Variants in COL5A2 observed in about 807,000 individuals in gnomAD.
The protein encoded by COL5A2 is collagen type V alpha 2 chain, also known as collagen alpha-2(V) chain.
In COL5A2, 23 loss-of-function variants were observed where a neutral mutation model predicts 208.2. The ratio of observed to expected loss-of-function variants is 0.11; its 90% CI spans 0.08 to 0.16. The LOEUF (loss-of-function observed/expected upper bound fraction) is 0.16. COL5A2 is among the 10% of genes least tolerant of loss of function. The pLI, the probability that COL5A2 is intolerant of heterozygous loss-of-function variation, is 1.00. For missense variants in COL5A2, 1,590 were observed against 1,956.4 expected, an observed-to-expected ratio of 0.81 and a Z score of 3.53; for synonymous variants, 625 against 628.5, an observed-to-expected ratio of 0.99 and a Z score of 0.08.
At chr2:189,068,698 T>C in intron 19 of COL5A2, 88 bp downstream of exon 19, 1 of 898,734 alleles carries the variant, frequency 1.1e-6, no homozygotes, top group South Asian at 1.4e-5. Context: ...ATATTATGTA[T>C]CAATTAAAAA....
intron 17 of COL5A2, among the ~76,000 whole-genome samples, chr2:189,072,765 C>CA (rs58636533): frequency 0.2 from 13,116 of 66,944 alleles, 1,050 homozygotes; most frequent in East Asian, 0.3. Flanking sequence ...ACTCCATCTC[C>CA]AAAAAAAAAA....
At chr2:189,396,549 C>G in the COL5A2 span, among the ~76,000 whole-genome samples, 17 of 151,736 alleles carry the variant, frequency 1.1e-4, no homozygotes, top group African/African-American at 3.9e-4. Flanking sequence ...TGGTGGGCCC[C>G]TATAGTCCGA....
intron 23 of COL5A2, among the ~76,000 whole-genome samples, 165 bp downstream of exon 23, chr2:189,066,225 T>TA (rs1478835028): frequency 6.6e-6 from 1 of 152,264 alleles, no homozygotes; most frequent in Non-Finnish European, 1.5e-5. Context: ...AATGTATGAA[T>TA]AATGATTAGT....
In COL5A2 at chr2:189,063,095, C is replaced by T. The variant is rs372220375; in HGVS notation, c.1870-32G>A. ...AATAAATGAAACTTTTGTATAATTC[C>T]TTCAATTTGTCAAAAACATACCTCC... On this transcript the variant is annotated intron_variant, in intron 27 of 53. Coordinates refer to ENST00000374866, the MANE Select transcript of COL5A2 (RefSeq NM_000393.5). The T allele has an allele frequency of 8.7e-6, 14 of 1,613,346 alleles. No individual in the cohort carries two copies. In the African/African-American group the frequency reaches 1.7e-4, roughly 20 times the overall value.
At chr2:189,110,763 A>T in intron 1 of COL5A2, among the ~76,000 whole-genome samples, 1 of 152,146 alleles carries the variant, frequency 6.6e-6, no homozygotes, top group East Asian at 1.9e-4. Flanking sequence ...AATATCAATA[A>T]AGAGGGATAA....
the COL5A2 span, among the ~76,000 whole-genome samples, chr2:189,406,687 T>C: frequency 6.6e-6 from 1 of 152,244 alleles, no homozygotes; most frequent in East Asian, 1.9e-4. Context: ...CTGACCGACT[T>C]ATACATTAAA....
intron 1 of COL5A2, among the ~76,000 whole-genome samples, chr2:189,127,592 T>G (rs191683001): frequency 3.3e-5 from 5 of 152,204 alleles, no homozygotes; most frequent in Admixed American, 6.6e-5. Context: ...TTGATTGTCA[T>G]GTATTTTCAC....
At chr2:189,260,821 G>A in the COL5A2 span, among the ~76,000 whole-genome samples, 15 of 152,128 alleles carry the variant, frequency 9.9e-5, no homozygotes, top group Non-Finnish European at 1.6e-4. Flanking sequence ...TCCATCCAGT[G>A]AACTTTGTAA....
intron 51 of COL5A2, 125 bp downstream of exon 51, chr2:189,039,145 GAT>G: frequency 8.4e-7 from 1 of 1,185,238 alleles, no homozygotes; most frequent in Admixed American, 1.7e-5. Context: ...TAAGCTCCAT[GAT>G]ATGTTTACTA....
the COL5A2 span, among the ~76,000 whole-genome samples, chr2:189,350,887 T>C: frequency 0.015 from 2,247 of 152,306 alleles, 21 homozygotes; most frequent in Non-Finnish European, 0.022. Context: ...CTAATTTCTC[T>C]ACCTTCTGAA....
chr2:189,065,147 G>A (rs1218826501), intron 23 of COL5A2, 90 bp from the exon 24 acceptor site: 2 of 1,204,812 alleles, frequency 1.7e-6, no homozygotes, highest in Non-Finnish European at 2.4e-6. Context: ...GCACTATAAA[G>A]TTTTAGGAGC....
intron 1 of COL5A2, among the ~76,000 whole-genome samples, chr2:189,145,967 G>A (rs1043995947): frequency 2.6e-5 from 4 of 152,056 alleles, no homozygotes; most frequent in African/African-American, 9.7e-5. Flanking sequence ...TAAAGAGCAA[G>A]ACAGTAGAAT....
chr2:189,038,493 T>C (rs1168270538), intron 51 of COL5A2, among the ~76,000 whole-genome samples: 1 of 152,160 alleles, frequency 6.6e-6, no homozygotes, highest in Non-Finnish European at 1.5e-5. Flanking sequence ...GATGAATACA[T>C]GAATTCATGG....
the COL5A2 span, among the ~76,000 whole-genome samples, chr2:189,302,089 C>G: frequency 6.6e-6 from 1 of 152,132 alleles, no homozygotes; most frequent in African/African-American, 2.4e-5. Flanking sequence ...TCTCTATATC[C>G]TAAATTTACA....
chr2:189,148,415 G>A (rs1334333437), intron 1 of COL5A2, among the ~76,000 whole-genome samples: 1 of 152,048 alleles, frequency 6.6e-6, no homozygotes, highest in East Asian at 1.9e-4. Context: ...ACCCAAGGGA[G>A]GTAAGAACTC....
the COL5A2 span, among the ~76,000 whole-genome samples, chr2:189,345,046 TAGGG>T: frequency 6.6e-6 from 1 of 152,074 alleles, no homozygotes; most frequent in Admixed American, 6.6e-5. Context: ...CAAAAGGAAT[TAGGG>T]AGGGGTAAGA....
chr2:189,363,669 G>A, the COL5A2 span, among the ~76,000 whole-genome samples: 1 of 151,914 alleles, frequency 6.6e-6, no homozygotes, highest in Non-Finnish European at 1.5e-5. Context: ...ATACTAATAA[G>A]AGATTTCAGA....
upstream of COL5A2, among the ~76,000 whole-genome samples, chr2:189,229,960 G>C (rs544903766): frequency 6.6e-6 from 1 of 151,830 alleles, no homozygotes; most frequent in Admixed American, 6.6e-5. Context: ...ATAATCAATA[G>C]AGTATGGTAC....
intron 1 of COL5A2, among the ~76,000 whole-genome samples, chr2:189,214,929 T>C (rs906991580): frequency 2.0e-5 from 3 of 152,202 alleles, no homozygotes; most frequent in Admixed American, 6.6e-5. Flanking sequence ...GATCTAGATA[T>C]ATTTTCCTAT....
Sources: allele counts gnomAD v4.1 joint callset (sites outside exome capture counted in the v4.1 genomes callset), GRCh38; gene constraint gnomAD v4.1.1; transcripts MANE v1.5; gene names NCBI Gene and HGNC (gene_info 2026-07-23, HGNC 2026-07-21).